The following EGF variants were observed in gnomAD, a reference collection of about 807,000 sequenced individuals.
The protein encoded by EGF is epidermal growth factor, also known as pro-epidermal growth factor.
Under a neutral mutation model 143.8 loss-of-function variants are expected in EGF, and 95 were observed. The observed-to-expected ratio is 0.66, with a 90% confidence interval of 0.56 to 0.78. EGF has a LOEUF of 0.78. Ranked by LOEUF, EGF falls within the 30% of genes least tolerant of loss-of-function variation. The pLI is 0.00. For missense variants in EGF, 1,320 were observed against 1,470.9 expected (o/e 0.90, Z 1.68); for synonymous variants, 510 against 510.5 (o/e 1.00, Z 0.01).
intron 5 of EGF, among the ~76,000 whole-genome samples, chr4:109,958,327 A>G (rs529501884): frequency 1.3e-5 from 2 of 152,304 alleles, no homozygotes; most frequent in Non-Finnish European, 2.9e-5. Flanking sequence ...ATCCACAGAT[A>G]TGGAGGGCCA....
intron 1 of EGF, among the ~76,000 whole-genome samples, chr4:109,927,617 G>A (rs576935345): frequency 2.6e-5 from 4 of 151,706 alleles, no homozygotes; most frequent in African/African-American, 7.3e-5. Context: ...CCAGCTACTC[G>A]GGAGGCTGAG....
intron 11 of EGF, among the ~76,000 whole-genome samples, chr4:109,974,320 T>G (rs1433462778): frequency 6.6e-6 from 1 of 152,192 alleles, no homozygotes; most frequent in Non-Finnish European, 1.5e-5. Flanking sequence ...TCCCTCGTCT[T>G]CATGATCCCA....
At chr4:109,931,058 C>T (rs530905236) in intron 1 of EGF, among the ~76,000 whole-genome samples, 69 of 152,328 alleles carry the variant, frequency 4.5e-4, no homozygotes, top group Admixed American at 5.2e-4. Context: ...CATGGGAAAG[C>T]TTTAGCTGTT....
chr4:109,967,793 C>T (rs1180372780), intron 10 of EGF, among the ~76,000 whole-genome samples: 1 of 152,130 alleles, frequency 6.6e-6, no homozygotes, highest in Non-Finnish European at 1.5e-5. Flanking sequence ...TGCTCCTAGG[C>T]TACAAACCTG....
At chr4:109,917,193 C>T (rs542586906) in intron 1 of EGF, among the ~76,000 whole-genome samples, 1 of 152,204 alleles carries the variant, frequency 6.6e-6, no homozygotes, top group Non-Finnish European at 1.5e-5. Context: ...GAACCCTTCC[C>T]TTGTGGATTT....
chr4:109,966,372 A>G (rs1746590049), intron 10 of EGF, among the ~76,000 whole-genome samples: 2 of 152,112 alleles, frequency 1.3e-5, no homozygotes, highest in Non-Finnish European at 2.9e-5. Flanking sequence ...GCTGCTCACA[A>G]TGATTTCATT....
intron 2 of EGF, among the ~76,000 whole-genome samples, chr4:109,941,614 C>G (rs965625035): frequency 3.3e-5 from 5 of 152,150 alleles, no homozygotes; most frequent in Non-Finnish European, 7.3e-5. Context: ...TGCAAAACAT[C>G]TTACACTGTG....
chr4:109,941,473 T>C (rs1437176278), intron 2 of EGF, among the ~76,000 whole-genome samples: 5 of 152,158 alleles, frequency 3.3e-5, no homozygotes, highest in Non-Finnish European at 7.3e-5. Flanking sequence ...CCCCAGTAGC[T>C]CTCAGGTGGG....
chr4:109,968,495 C>T lies in EGF; in HGVS notation c.1576-476C>T, dbSNP rs982335844. 3.3e-5 allele frequency among the ~76,000 whole-genome samples: 5 copies of T among 152,020 alleles called. No homozygotes were observed. In the East Asian group the frequency reaches 5.8e-4, roughly 18 times the overall value. ...CACAGTAGTTCAAGCATGATGGCTACGTCATTGACCAATGATCAAGGGTTA... is the reference window on the plus strand; with the variant it reads ...CACAGTAGTTCAAGCATGATGGCTATGTCATTGACCAATGATCAAGGGTTA... On this transcript the variant is annotated intron_variant, in intron 10 of 23. Coordinates refer to ENST00000265171, the MANE Select transcript of EGF (RefSeq NM_001963.6).
chr4:109,933,949 T>G (rs1350188224), intron 1 of EGF, among the ~76,000 whole-genome samples: 1 of 152,176 alleles, frequency 6.6e-6, no homozygotes, highest in Non-Finnish European at 1.5e-5. Flanking sequence ...GTAATGGGAT[T>G]GCTGGGTCAA....
At chr4:109,977,495 T>G (rs1748680400) in intron 13 of EGF, 1 of 151,568 alleles carries the variant, frequency 6.6e-6, no homozygotes, top group South Asian at 2.1e-4. Context: ...AAATATGATA[T>G]CTGCAAAGCC....
chr4:109,920,620 A>G (rs1411054498), intron 1 of EGF, among the ~76,000 whole-genome samples: 1 of 151,588 alleles, frequency 6.6e-6, no homozygotes, highest in Non-Finnish European at 1.5e-5. Flanking sequence ...TTTAATTATT[A>G]CTCCAAATTT....
chr4:109,922,171 T>G lies in EGF; in HGVS notation c.127+8709T>G, dbSNP rs184701283. On this transcript the variant is annotated intron_variant, in intron 1 of 23. Coordinates refer to ENST00000265171, the MANE Select transcript of EGF (RefSeq NM_001963.6). ...CTATATCTTTTAGATTCAAGCAACA[T>G]TGTTTAGAATGGTCAATGCTCTAAG... Among the ~76,000 whole-genome samples, 319 of 151,800 alleles carry G rather than the reference T, an allele frequency of 2.1e-3. 1 individual carries two copies. The highest frequency in any genetic ancestry group is 2.1e-3 in the Non-Finnish European group (140 of 68,030).
chr4:109,945,580 G>A (rs1041991525), intron 5 of EGF, among the ~76,000 whole-genome samples: 1 of 148,106 alleles, frequency 6.8e-6, no homozygotes. Context: ...CTACAAAAAC[G>A]AAAGAAAGAA....
intron 14 of EGF, among the ~76,000 whole-genome samples, 174 bp downstream of exon 14, chr4:109,980,313 G>A (rs1749155832): frequency 6.6e-6 from 1 of 152,128 alleles, no homozygotes; most frequent in African/African-American, 2.4e-5. Flanking sequence ...TGGTAGTTTG[G>A]TAATTGGGGC....
intron 5 of EGF, among the ~76,000 whole-genome samples, chr4:109,947,864 G>A (rs1291201033): frequency 2.0e-5 from 3 of 152,154 alleles, no homozygotes; most frequent in Non-Finnish European, 2.9e-5. Context: ...GAGACAGGAA[G>A]GGTAGGAATA....
At chr4:109,952,162 T>G (rs1032857395) in intron 5 of EGF, among the ~76,000 whole-genome samples, 1 of 152,222 alleles carries the variant, frequency 6.6e-6, no homozygotes, top group Non-Finnish European at 1.5e-5. Flanking sequence ...GTACACATCT[T>G]AATGACAATT....
At chr4:109,994,951 A>G (rs770969544) in intron 20 of EGF, 71 bp downstream of exon 20, 75 of 1,599,194 alleles carry the variant, frequency 4.7e-5, no homozygotes, top group Non-Finnish European at 5.9e-5. Context: ...TAATTTGTAA[A>G]ATTTACACTC....
rs1745770537 is a variant in EGF at position 109,961,939 on chromosome 4, C to T, written c.1266C>T (p.Phe422=). The T allele has an allele frequency of 9.9e-6, 16 of 1,613,970 alleles. No individual in the cohort carries two copies. In the East Asian group the frequency reaches 3.6e-4, roughly 36 times the overall value. ...CVLTSEGPLC[F]CPEGSVLERD... ...TGACATCAGAAGGTCCCTTATGTTT[C>T]TGTCCTGAAGGCTCAGTGCTTGAGA... Residue 422 remains phenylalanine, a synonymous_variant, in exon 8 of 24, where the codon TTC becomes TTT. Transcript: ENST00000265171.
Sources: allele counts gnomAD v4.1 joint callset (sites outside exome capture counted in the v4.1 genomes callset), GRCh38; gene constraint gnomAD v4.1.1; transcripts MANE v1.5; gene names NCBI Gene and HGNC (gene_info 2026-07-23, HGNC 2026-07-21).